Variants in TMEM163 observed in about 807,000 individuals in gnomAD.
TMEM163 encodes transmembrane protein 163.
A neutral mutation model predicts 29.3 loss-of-function variants in TMEM163; 17 were observed. The ratio of observed to expected loss-of-function variants is 0.58; its 90% CI spans 0.40 to 0.87. The LOEUF is 0.87. Among genes scored for constraint, TMEM163 ranks in the 40% least tolerant of loss-of-function variants. The pLI, the probability that TMEM163 is intolerant of heterozygous loss-of-function variation, is 0.00. For synonymous variants in TMEM163, 157 were observed against 160.6 expected, an observed-to-expected ratio of 0.98 and a Z score of 0.17; for missense variants, 303 against 381.5, an observed-to-expected ratio of 0.79 and a Z score of 1.71.
At chr2:134,603,895 G>A (rs2104811918) in intron 2 of TMEM163, among the ~76,000 whole-genome samples, 1 of 151,796 alleles carries the variant, frequency 6.6e-6, no homozygotes, top group South Asian at 2.1e-4. Flanking sequence ...GGAGGGTATG[G>A]AAGGGAGAGA....
At chr2:134,600,774 G>A (rs1310318960) in intron 2 of TMEM163, among the ~76,000 whole-genome samples, 1 of 152,176 alleles carries the variant, frequency 6.6e-6, no homozygotes. Flanking sequence ...AAAAGCATTA[G>A]CCAGAGGTTC....
rs1241439049 is a variant in TMEM163 at position 134,645,076 on chromosome 2, C to G, written c.322+68124G>C. Among the ~76,000 whole-genome samples the G allele has an allele frequency of 2.6e-5, 4 of 152,242 alleles. No homozygotes were observed. The East Asian group carries it at 7.7e-4, about 29-fold the overall frequency. On this transcript the variant is annotated intron_variant, in intron 2 of 7. Transcript: ENST00000281924. The stretch of plus-strand genomic sequence containing the variant: ...AAAACCATGAGATACTACTGCATAC[C>G]TGTTAGAATAGCATAAGTTAAAAAT...
chr2:134,567,446 C>A (rs1340089649), intron 2 of TMEM163, among the ~76,000 whole-genome samples: 1 of 152,302 alleles, frequency 6.6e-6, no homozygotes, highest in East Asian at 1.9e-4. Context: ...AATTCCAGCA[C>A]TTTGGGAGGC....
intron 2 of TMEM163, among the ~76,000 whole-genome samples, chr2:134,577,482 G>A (rs950111133): frequency 2.6e-5 from 4 of 152,224 alleles, no homozygotes; most frequent in African/African-American, 9.6e-5. Flanking sequence ...GCTGAGGGCT[G>A]CAGTGAGAGG....
At chr2:134,562,143 T>C (rs1681196638) in intron 2 of TMEM163, among the ~76,000 whole-genome samples, 1 of 152,248 alleles carries the variant, frequency 6.6e-6, no homozygotes, top group South Asian at 2.1e-4. Flanking sequence ...CCATTCTTTT[T>C]ACTTTGGCTT....
rs1376141189 is a variant in TMEM163 at position 134,456,709 on chromosome 2, G to C, written c.*7C>G. The C allele has an allele frequency of 6.2e-7, 1 of 1,613,848 alleles. No individual in the cohort carries two copies. The highest frequency in any genetic ancestry group is 1.1e-5 in the South Asian group (1 of 91,010). ...TCTCGATGGTCTCATGCGGATGCTG[G>C]CCCCCTTCACTCAAACATCTCGTAG... On this transcript the variant is annotated 3_prime_UTR_variant, in exon 8 of 8. Coordinates refer to ENST00000281924, the MANE Select transcript of TMEM163 (RefSeq NM_030923.5).
chr2:134,673,196 G>A (rs1684029623), intron 2 of TMEM163, among the ~76,000 whole-genome samples: 1 of 152,114 alleles, frequency 6.6e-6, no homozygotes, highest in Non-Finnish European at 1.5e-5. Flanking sequence ...ACTAACCCCA[G>A]GACAAGAAGT....
At chr2:134,627,599 TAGC>T (rs1682881149) in intron 2 of TMEM163, among the ~76,000 whole-genome samples, 1 of 152,174 alleles carries the variant, frequency 6.6e-6, no homozygotes, top group African/African-American at 2.4e-5. Context: ...AAGACACAAT[TAGC>T]TAACTATGGC....
At chr2:134,524,231 C>T (rs1235943737) in intron 4 of TMEM163, among the ~76,000 whole-genome samples, 2 of 152,146 alleles carry the variant, frequency 1.3e-5, no homozygotes, top group East Asian at 3.9e-4. Flanking sequence ...TGGTTACACA[C>T]GAGAATTACC....
At chr2:134,501,641 T>A (rs545297958) in intron 5 of TMEM163, among the ~76,000 whole-genome samples, 1 of 152,204 alleles carries the variant, frequency 6.6e-6, no homozygotes, top group East Asian at 1.9e-4. Flanking sequence ...AGATTCTGAC[T>A]GAATGAAATG....
intron 2 of TMEM163, among the ~76,000 whole-genome samples, chr2:134,640,604 G>A (rs114810788): frequency 5.1e-4 from 77 of 152,262 alleles, no homozygotes; most frequent in African/African-American, 1.8e-3. Context: ...TATGAACCGG[G>A]GAAATGCTTC....
chr2:134,641,126 G>A (rs1476368518), intron 2 of TMEM163, among the ~76,000 whole-genome samples: 2 of 152,186 alleles, frequency 1.3e-5, no homozygotes, highest in East Asian at 3.8e-4. Flanking sequence ...AATCAAAATT[G>A]AGATAAGGGT....
intron 2 of TMEM163, among the ~76,000 whole-genome samples, chr2:134,682,193 C>T (rs1206770871): frequency 6.6e-6 from 1 of 152,198 alleles, no homozygotes; most frequent in Non-Finnish European, 1.5e-5. Context: ...GTTAATCCAT[C>T]ACATACAACA....
intron 2 of TMEM163, among the ~76,000 whole-genome samples, chr2:134,603,452 C>G (rs1441163468): frequency 6.6e-6 from 1 of 152,164 alleles, no homozygotes; most frequent in African/African-American, 2.4e-5. Context: ...AAAGAAGCCC[C>G]ATCAAAGAAA....
chr2:134,534,949 GGGA>G (rs1680499753), intron 4 of TMEM163, among the ~76,000 whole-genome samples: 1 of 151,994 alleles, frequency 6.6e-6, no homozygotes. Context: ...TCGGGGTAAG[GGGA>G]GCACTGAGAT....
rs550310287 is a variant in TMEM163 at position 134,684,935 on chromosome 2, A to G, written c.322+28265T>C. On this transcript the variant is annotated intron_variant, in intron 2 of 7. Coordinates refer to ENST00000281924, the MANE Select transcript of TMEM163 (RefSeq NM_030923.5). ...AAGACCCTGTCTCAAAAAAAAAAAA[A>G]AAAAAGAAAAAGCAGAATGAATTAG... Among the ~76,000 whole-genome samples the G allele has an allele frequency of 2.0e-4, 30 of 150,056 alleles. 3 individuals carry two copies. Among genetic ancestry groups the G allele is most frequent in the African/African-American group, 6.1e-4 (25 of 41,278 alleles).
At chr2:134,472,426 ATAG>A (rs1457310419) in intron 5 of TMEM163, among the ~76,000 whole-genome samples, 1 of 152,268 alleles carries the variant, frequency 6.6e-6, no homozygotes, top group Non-Finnish European at 1.5e-5. Context: ...AGCCAAAACT[ATAG>A]TAAGATCCTT....
At chr2:134,508,145 C>T (rs1422071717) in intron 4 of TMEM163, among the ~76,000 whole-genome samples, 1 of 152,150 alleles carries the variant, frequency 6.6e-6, no homozygotes, top group Non-Finnish European at 1.5e-5. Context: ...GTTTAAAGGC[C>T]TGTGGCTCAC....
intron 2 of TMEM163, among the ~76,000 whole-genome samples, chr2:134,605,527 G>A (rs189648824): frequency 1.1e-4 from 16 of 151,916 alleles, no homozygotes; most frequent in Middle Eastern, 6.8e-3. Flanking sequence ...GTGAAACCCC[G>A]TCTCTACTAA....
Sources: gnomAD v4.1 joint callset for allele counts (sites outside exome capture counted in the v4.1 genomes callset) on GRCh38, gnomAD v4.1.1 for gene constraint, MANE v1.5 for transcripts, NCBI Gene and HGNC (gene_info 2026-07-23, HGNC 2026-07-21) for gene names.